The following PPEF2 variants were observed in gnomAD, a reference collection of about 807,000 sequenced individuals.
The protein encoded by PPEF2 is protein phosphatase with EF-hand domain 2, also known as serine/threonine-protein phosphatase with EF-hands 2.
Under a neutral mutation model 84.7 loss-of-function variants are expected in PPEF2, and 84 were observed. The ratio of observed to expected loss-of-function variants is 0.99; its 90% CI spans 0.83 to 1.19. The LOEUF is 1.19. Among genes scored for constraint, PPEF2 ranks in the 50% most tolerant of loss-of-function variants. The pLI is 0.00. For synonymous variants in PPEF2, 346 were observed against 345.2 expected (o/e 1.00, Z -0.03); for missense variants, 924 against 937.5 (o/e 0.99, Z 0.19).
intron 6 of PPEF2, among the ~76,000 whole-genome samples, chr4:75,887,621 A>T (rs1272851984): frequency 4.7e-4 from 2 of 4,280 alleles, no homozygotes; most frequent in Non-Finnish European, 1.1e-3. Flanking sequence ...ACTGTGTCTC[A>T]AAAAAAAAAA....
chr4:75,895,071 C>T (rs1037520381), intron 2 of PPEF2, among the ~76,000 whole-genome samples: 1 of 152,018 alleles, frequency 6.6e-6, no homozygotes, highest in African/African-American at 2.4e-5. Context: ...CCTCCCACCT[C>T]AGGCTCCTGA....
At chr4:75,870,628 CAT>C in intron 13 of PPEF2, among the ~76,000 whole-genome samples, 1 of 152,228 alleles carries the variant, frequency 6.6e-6, no homozygotes, top group Non-Finnish European at 1.5e-5. Flanking sequence ...GGCAATATTG[CAT>C]AGACATTAAA....
At chr4:75,885,984 C>T (rs555355695) in intron 7 of PPEF2, among the ~76,000 whole-genome samples, 35 of 148,376 alleles carry the variant, frequency 2.4e-4, no homozygotes, top group African/African-American at 7.2e-4. Flanking sequence ...ATTCCAGCCT[C>T]GGCGAGAAGA....
chr4:75,876,425 C>G lies in PPEF2; in HGVS notation c.1182G>C (p.Val394=). 1 of 1,614,188 alleles carries G rather than the reference C, an allele frequency of 6.2e-7. No individual in the cohort carries two copies. Residue 394 remains valine (V), a synonymous_variant, in exon 11 of 17, where the codon GTG becomes GTC. Coordinates refer to ENST00000286719, the MANE Select transcript of PPEF2 (RefSeq NM_006239.3). ...GCCGGCACCGCTCTAGCTCCAGTTCCACGGAGCTCCGCACCTGCCGGGAGA... is the reference window on the plus strand; with the variant it reads ...GCCGGCACCGCTCTAGCTCCAGTTCGACGGAGCTCCGCACCTGCCGGGAGA... The part of the protein sequence containing the change: ...RELSRQVRSS[V]ELELERCRQQ...
At chr4:75,867,544 G>C (rs1469622581) in intron 13 of PPEF2, 125 bp from the exon 14 acceptor site, 5 of 647,254 alleles carry the variant, frequency 7.7e-6, no homozygotes, top group East Asian at 2.9e-5. Context: ...GTTTTCGAGG[G>C]AGAGCGCCTT....
In PPEF2 at chr4:75,864,669, A is replaced by G. The variant is rs577061644; in HGVS notation, c.1921-142T>C. The G allele has an allele frequency of 1.3e-5, 8 of 635,418 alleles. No individual in the cohort carries two copies. The East Asian group carries it at 1.7e-4, about 13-fold the overall frequency. The allele number at this position is 635,418 out of a possible 1,614,324, so 39.4% of individuals were successfully genotyped here. A position where few individuals can be genotyped will look rare whatever the true frequency, so the allele number is the denominator to read the frequency against. ...TGCCATCCCTCCATTCCCTCTACCC[A>G]GTTCAGCCCATCAAATAATCTAGTG... On this transcript the variant is annotated intron_variant, in intron 15 of 16. Transcript: ENST00000286719.
At position 75,868,082 on chromosome 4, in the gene PPEF2, G is replaced by A. The variant is rs1036703883; in HGVS notation, c.1650-663C>T. 8.6e-5 allele frequency among the ~76,000 whole-genome samples: 13 copies of A among 151,822 alleles called. No homozygotes were observed. The Middle Eastern group carries it at 0.01, about 119-fold the overall frequency. The stretch of plus-strand genomic sequence containing the variant: ...CCCAGCACTCTGGGAGGCCAAGGTG[G>A]GTGGATTCCTTGAGCCCAGGAGTTC... On this transcript the variant is annotated intron_variant, in intron 13 of 16. Transcript: ENST00000286719.
chr4:75,890,206 C>G (rs1467380129), intron 4 of PPEF2, 74 bp from the exon 5 acceptor site: 17 of 1,527,974 alleles, frequency 1.1e-5, no homozygotes, highest in Non-Finnish European at 1.4e-5. Context: ...TAGAATAGTC[C>G]TTGGCTGGGC....
In PPEF2 at chr4:75,884,754, G is replaced by A; in HGVS notation, c.586C>T (p.Leu196Phe). The change falls in exon 8 of 17, where the codon CTC (leucine) becomes TTC (phenylalanine). Residue 196 changes from leucine to phenylalanine, a missense_variant. Coordinates refer to ENST00000286719, the MANE Select transcript of PPEF2 (RefSeq NM_006239.3). The part of the protein sequence containing the change: ...DLIFIFYKNG[L>F]PSPERSYVFN... ...ACATATGACCGTTCTGGCGACGGGA[G>A]GCCATTCTTTTCAACAAGGAGACCA... 1.3e-6 allele frequency: 2 copies of A among 1,576,538 alleles called. No homozygotes were observed. The highest frequency in any genetic ancestry group is 1.2e-5 in the South Asian group (1 of 84,468).
intron 2 of PPEF2, 80 bp downstream of exon 2, chr4:75,896,191 C>CGA: frequency 1.3e-6 from 2 of 1,489,806 alleles, no homozygotes; most frequent in Non-Finnish European, 1.9e-6. Flanking sequence ...TCTGCTTCTA[C>CGA]CCTCAGAACC....
At chr4:75,896,870 CACCTTTCTTTCTTT>C (rs1233191081) in intron 1 of PPEF2, among the ~76,000 whole-genome samples, 2 of 151,420 alleles carry the variant, frequency 1.3e-5, no homozygotes, top group African/African-American at 4.9e-5. Context: ...CCATAGGCCA[CACCTTTCTTTCTTT>C]CTTTCTTTCT....
rs1375029357 is a variant in PPEF2 at position 75,860,432 on chromosome 4, C to T, written c.*235G>A. The T allele has an allele frequency of 3.6e-6, 2 of 552,888 alleles. No homozygotes were observed. Among genetic ancestry groups the T allele is most frequent in the Non-Finnish European group, 6.4e-6 (2 of 313,560 alleles). The allele number at this position is 552,888 out of a possible 1,614,324, so 34.2% of individuals were successfully genotyped here. On this transcript the variant is annotated 3_prime_UTR_variant, in exon 17 of 17. Transcript: ENST00000286719. ...ACTTTAGAATTTGAAAACACTATACCTAAGTTCTACTTTGTGAAGATTGTG... is the reference window on the plus strand; with the variant it reads ...ACTTTAGAATTTGAAAACACTATACTTAAGTTCTACTTTGTGAAGATTGTG...
At position 75,891,825 on chromosome 4, in the gene PPEF2, C is replaced by G. The variant is rs200952194; in HGVS notation, c.183+26G>C. On this transcript the variant is annotated intron_variant, in intron 3 of 16. Coordinates refer to ENST00000286719, the MANE Select transcript of PPEF2 (RefSeq NM_006239.3). The stretch of plus-strand genomic sequence containing the variant: ...CTGCTGCCCAAGGGAGAGCAGGAGG[C>G]GGCTCCGTCCCACATCTCATTGTAC... The G allele has an allele frequency of 6.3e-6, 10 of 1,599,866 alleles. No homozygotes were observed. The African/African-American group carries it at 1.1e-4, about 17-fold the overall frequency.
At chr4:75,868,610 C>T (rs537285823) in intron 13 of PPEF2, among the ~76,000 whole-genome samples, 1 of 151,744 alleles carries the variant, frequency 6.6e-6, no homozygotes, top group African/African-American at 2.4e-5. Flanking sequence ...GTGGGGAAAT[C>T]ACCTGAGCCT....
chr4:75,884,431 A>AAC (rs1724667281), intron 8 of PPEF2, among the ~76,000 whole-genome samples, 163 bp downstream of exon 8: 1 of 151,498 alleles, frequency 6.6e-6, no homozygotes, highest in South Asian at 2.1e-4. Flanking sequence ...CTCCAAAAAA[A>AAC]AAAAAAATTT....
rs374995622 is a variant in PPEF2 at position 75,866,488 on chromosome 4, T to C, written c.1757-136A>G. The stretch of plus-strand genomic sequence containing the variant: ...ATAATGGGCACTGTCACTATTTTTG[T>C]TGATAGTAGCAGAGTTGGCTGGAAG... On this transcript the variant is annotated intron_variant, in intron 14 of 16. Coordinates refer to ENST00000286719, the MANE Select transcript of PPEF2 (RefSeq NM_006239.3). The C allele has an allele frequency of 6.9e-6, 8 of 1,152,696 alleles. No individual in the cohort carries two copies. In the African/African-American group the frequency reaches 1.1e-4, roughly 15 times the overall value. 71.4% of individuals were successfully genotyped at this position (1,152,696 alleles called of 1,614,324 possible).
chr4:75,898,829 A>T (rs1038000494), intron 1 of PPEF2, among the ~76,000 whole-genome samples: 2 of 151,984 alleles, frequency 1.3e-5, no homozygotes, highest in African/African-American at 2.4e-5. Context: ...CATATCCATC[A>T]CCTTAAACAT....
chr4:75,876,488 G>A lies in PPEF2; in HGVS notation c.1119C>T (p.Ser373=), dbSNP rs1578005971. 2 of 1,613,984 alleles carry A rather than the reference G, an allele frequency of 1.2e-6. No homozygotes were observed. The highest frequency in any genetic ancestry group is 1.7e-6 in the Non-Finnish European group (2 of 1,179,906). The part of the protein sequence containing the change: ...SYKAQKTSRS[S]SIPCSGSLDG... ...CCAGGGAACCGCTGCAGGGGATGCTGGAGGACCTGCTGGTTTTCTGGGCCT... is the reference window on the plus strand; with the variant it reads ...CCAGGGAACCGCTGCAGGGGATGCTAGAGGACCTGCTGGTTTTCTGGGCCT... The change falls in exon 11 of 17, where the codon TCC becomes TCT. Residue 373 remains serine (S), a synonymous_variant. Transcript: ENST00000286719.
At chr4:75,885,750 C>G (rs2149223858) in intron 7 of PPEF2, among the ~76,000 whole-genome samples, 1 of 152,222 alleles carries the variant, frequency 6.6e-6, no homozygotes, top group South Asian at 2.1e-4. Flanking sequence ...GTGGCTCACA[C>G]CGGTAATCCC....
Sources: gnomAD v4.1 joint callset for allele counts (sites outside exome capture counted in the v4.1 genomes callset) on GRCh38, gnomAD v4.1.1 for gene constraint, MANE v1.5 for transcripts, NCBI Gene and HGNC (gene_info 2026-07-23, HGNC 2026-07-21) for gene names.